Variants in CDKAL1 observed in about 807,000 individuals in gnomAD.
The protein encoded by CDKAL1 is threonylcarbamoyladenosine tRNA methylthiotransferase.
Under a neutral mutation model 68.2 loss-of-function variants are expected in CDKAL1, and 32 were observed. That is an observed-to-expected ratio of 0.47 (90% confidence interval 0.35 to 0.63). CDKAL1 has a LOEUF of 0.63. CDKAL1 is among the 30% of genes least tolerant of loss of function. The pLI, the probability that CDKAL1 is intolerant of heterozygous loss-of-function variation, is 0.00. For missense variants in CDKAL1, 606 were observed against 696.7 expected, an observed-to-expected ratio of 0.87 and a Z score of 1.47; for synonymous variants, 234 against 244.3, an observed-to-expected ratio of 0.96 and a Z score of 0.39.
At chr6:20,549,210 T>C (rs890534720) in intron 4 of CDKAL1, among the ~76,000 whole-genome samples, 1 of 152,224 alleles carries the variant, frequency 6.6e-6, no homozygotes, top group Non-Finnish European at 1.5e-5. Context: ...AGAAAACATT[T>C]CCTTGATATT....
At chr6:20,695,097 T>TC (rs1185103498) in intron 5 of CDKAL1, among the ~76,000 whole-genome samples, 2 of 151,958 alleles carry the variant, frequency 1.3e-5, no homozygotes, top group African/African-American at 4.8e-5. Flanking sequence ...ACTGAGACAG[T>TC]CCCTATTTAA....
At chr6:20,731,232 A>C (rs77440701) in intron 5 of CDKAL1, among the ~76,000 whole-genome samples, 2,847 of 152,304 alleles carry the variant, frequency 0.019, 82 homozygotes, top group African/African-American at 0.064. Context: ...AACGATTTTC[A>C]GGAGAAGAGT....
chr6:20,891,811 G>T (rs1761420015), intron 9 of CDKAL1, among the ~76,000 whole-genome samples: 1 of 152,144 alleles, frequency 6.6e-6, no homozygotes, highest in Non-Finnish European at 1.5e-5. Context: ...GGGATTACAG[G>T]CGTGAGCCAC....
At position 20,750,900 on chromosome 6, in the gene CDKAL1, G is replaced by T. The variant is rs56774713; in HGVS notation, c.469-7695G>T. Among the ~76,000 whole-genome samples, 1,208 of 132,892 alleles carry T rather than the reference G, an allele frequency of 9.1e-3. 14 individuals carry two copies. The highest frequency in any genetic ancestry group is 0.031 in the African/African-American group (1,113 of 35,596). The allele number at this position is 132,892 out of a possible 152,430, so 87.2% of individuals were successfully genotyped here. A position where few individuals can be genotyped will look rare whatever the true frequency, so the allele number is the denominator to read the frequency against. On this transcript the variant is annotated intron_variant, in intron 6 of 15. Transcript: ENST00000274695. Reference sequence around the variant, plus strand: ...AATCGCTTGAACCCAGGAAGCGGAGGTTGCAGTGAGCCGAGATTACACCAC... The same window carrying T: ...AATCGCTTGAACCCAGGAAGCGGAGTTTGCAGTGAGCCGAGATTACACCAC...
chr6:21,031,251 A>G (rs1769271218), intron 11 of CDKAL1, among the ~76,000 whole-genome samples: 1 of 151,188 alleles, frequency 6.6e-6, no homozygotes, highest in Non-Finnish European at 1.5e-5. Context: ...TTCCCATGTG[A>G]CCCCCACAGA....
At chr6:20,814,560 G>A (rs565851801) in intron 8 of CDKAL1, among the ~76,000 whole-genome samples, 25 of 152,304 alleles carry the variant, frequency 1.6e-4, no homozygotes, top group Non-Finnish European at 2.2e-4. Context: ...GATTAAAGGC[G>A]TGAGCCAACA....
At chr6:20,758,688 C>T (rs1774340061) in intron 7 of CDKAL1, 45 bp downstream of exon 7, 3 of 1,442,598 alleles carry the variant, frequency 2.1e-6, no homozygotes, top group Non-Finnish European at 1.9e-6. Flanking sequence ...ATTTTCTGAA[C>T]TACATAGTAG....
At chr6:20,642,477 G>A (rs182807776) in intron 4 of CDKAL1, among the ~76,000 whole-genome samples, 124 of 117,706 alleles carry the variant, frequency 1.1e-3, no homozygotes, top group South Asian at 1.5e-3. Context: ...ATGAAAAACA[G>A]AAAAAAAAAA....
intron 13 of CDKAL1, among the ~76,000 whole-genome samples, chr6:21,176,981 G>A (rs754791717): frequency 2.6e-4 from 39 of 152,146 alleles, no homozygotes; most frequent in Non-Finnish European, 4.0e-4. Context: ...ACAGGCGTGA[G>A]CCACTGCGCC....
At chr6:20,660,790 G>T (rs13203361) in intron 5 of CDKAL1, among the ~76,000 whole-genome samples, 1 of 152,058 alleles carries the variant, frequency 6.6e-6, no homozygotes, top group Non-Finnish European at 1.5e-5. Context: ...TGGGAAAAGG[G>T]TTTAGTATCG....
intron 12 of CDKAL1, among the ~76,000 whole-genome samples, chr6:21,089,295 G>A (rs77848562): frequency 6.6e-6 from 1 of 152,030 alleles, no homozygotes; most frequent in Admixed American, 6.6e-5. Flanking sequence ...GGGCAACATA[G>A]TGAGACCCCT....
chr6:20,898,977 C>T lies in CDKAL1; in HGVS notation c.742+52799C>T, dbSNP rs547144133. ...ATAGAAATGGAGAGTCAGGGGGCTG[C>T]GTGACTTGCTCATGTTATATGACTA... On this transcript the variant is annotated intron_variant, in intron 9 of 15. Coordinates refer to ENST00000274695, the MANE Select transcript of CDKAL1 (RefSeq NM_017774.3). 4.8e-4 allele frequency among the ~76,000 whole-genome samples: 72 copies of T among 151,466 alleles called. 1 individual carries two copies. The highest frequency in any genetic ancestry group is 6.8e-3 in the Middle Eastern group (2 of 292).
chr6:20,871,474 T>C (rs760376741), intron 9 of CDKAL1, among the ~76,000 whole-genome samples: 22 of 152,220 alleles, frequency 1.4e-4, no homozygotes, highest in Non-Finnish European at 3.1e-4. Context: ...AACGAAGTTA[T>C]GATTTTTTAT....
At chr6:20,946,687 T>C (rs1286660975) in intron 9 of CDKAL1, among the ~76,000 whole-genome samples, 1 of 137,120 alleles carries the variant, frequency 7.3e-6, no homozygotes, top group Non-Finnish European at 1.5e-5. Flanking sequence ...AACCTCCACC[T>C]CCCGGGTTCA....
chr6:20,712,713 C>T (rs964967338), intron 5 of CDKAL1, among the ~76,000 whole-genome samples: 2 of 151,996 alleles, frequency 1.3e-5, no homozygotes, highest in Admixed American at 6.5e-5. Context: ...GGCACAATCT[C>T]GGCTCACTGC....
At chr6:20,799,022 A>G (rs1342424725) in intron 8 of CDKAL1, among the ~76,000 whole-genome samples, 2 of 128,698 alleles carry the variant, frequency 1.6e-5, no homozygotes, top group Admixed American at 8.1e-5. Context: ...CTGGGCCCAT[A>G]TATTTGAAAA....
chr6:21,007,549 C>T (rs1767800851), intron 11 of CDKAL1, among the ~76,000 whole-genome samples: 1 of 149,122 alleles, frequency 6.7e-6, no homozygotes, highest in Non-Finnish European at 1.5e-5. Context: ...TATATACCCT[C>T]AGTTTCTACT....
rs1476224973 is a variant in CDKAL1, at chr6:20,899,671, C to G, written c.742+53493C>G. Among the ~76,000 whole-genome samples, 7 of 152,016 alleles carry G rather than the reference C, an allele frequency of 4.6e-5. No individual in the cohort carries two copies. The East Asian group carries it at 1.2e-3, about 25-fold the overall frequency. On this transcript the variant is annotated intron_variant, in intron 9 of 15. Coordinates refer to ENST00000274695, the MANE Select transcript of CDKAL1 (RefSeq NM_017774.3). ...CAGCCTGGCCAACATGGTGAAAAAC[C>G]ATTTCTACTGAAAAATACAAAATTA...
chr6:20,579,109 C>G (rs1201867500), intron 4 of CDKAL1, among the ~76,000 whole-genome samples: 1 of 152,134 alleles, frequency 6.6e-6, no homozygotes, highest in South Asian at 2.1e-4. Context: ...TTCCGAGTAG[C>G]TGGCATTACG....
Sources: gnomAD v4.1 joint callset for allele counts (sites outside exome capture counted in the v4.1 genomes callset) on GRCh38, gnomAD v4.1.1 for gene constraint, MANE v1.5 for transcripts, NCBI Gene and HGNC (gene_info 2026-07-23, HGNC 2026-07-21) for gene names.